Variants in RBM45 observed in about 807,000 individuals in gnomAD.
RBM45 encodes RNA binding motif protein 45.
In RBM45, 39 loss-of-function variants were observed where a neutral mutation model predicts 58.5. That is an observed-to-expected ratio of 0.67 (90% CI 0.52 to 0.87). The LOEUF (loss-of-function observed/expected upper bound fraction) is 0.87. Ranked by LOEUF, RBM45 falls within the 40% of genes least tolerant of loss-of-function variation. The pLI is 0.00. For synonymous variants in RBM45, 193 were observed against 203.0 expected, an observed-to-expected ratio of 0.95 and a Z score of 0.42; for missense variants, 481 against 581.6, an observed-to-expected ratio of 0.83 and a Z score of 1.78.
At chr2:178,114,877 C>T (rs538667602) in intron 1 of RBM45, among the ~76,000 whole-genome samples, 1 of 152,304 alleles carries the variant, frequency 6.6e-6, no homozygotes, top group South Asian at 2.1e-4. Context: ...TGAGCCACCA[C>T]ACCCTAACAG....
At chr2:178,119,484 AT>A (rs1318076409) in intron 3 of RBM45, among the ~76,000 whole-genome samples, 7 of 152,224 alleles carry the variant, frequency 4.6e-5, no homozygotes, top group African/African-American at 1.7e-4. Flanking sequence ...AACTAGGTAC[AT>A]TGGAACATGG....
At chr2:178,120,166 A>G (rs2087829540) in intron 3 of RBM45, 121 bp from the exon 4 acceptor site, 3 of 1,250,204 alleles carry the variant, frequency 2.4e-6, no homozygotes, top group Non-Finnish European at 3.4e-6. Context: ...GGAGATGGCC[A>G]TTGTATAGAT....
At chr2:178,112,870 C>T in intron 1 of RBM45, 24 bp downstream of exon 1, 3 of 1,595,092 alleles carry the variant, frequency 1.9e-6, no homozygotes, top group South Asian at 1.1e-5. Context: ...GGTCGGGGTG[C>T]CCTCGGGGGA....
chr2:178,133,293 A>G (rs2088019936), downstream of RBM45, among the ~76,000 whole-genome samples: 1 of 152,206 alleles, frequency 6.6e-6, no homozygotes, highest in Non-Finnish European at 1.5e-5. Flanking sequence ...GTAATTGTTT[A>G]TGCCATTCAA....
chr2:178,120,222 A>T, intron 3 of RBM45, 65 bp from the exon 4 acceptor site: 2 of 1,598,534 alleles, frequency 1.3e-6, no homozygotes, highest in East Asian at 4.5e-5. Context: ...AGGCACTAGC[A>T]ATCAAGTATA....
chr2:178,137,951 T>C (rs1032562872), exon 4 of RBM45: 1 of 152,104 alleles, frequency 6.6e-6, no homozygotes, highest in African/African-American at 2.4e-5. Context: ...TTAGAAAATA[T>C]CTGCTTTTGC....
intron 5 of RBM45, among the ~76,000 whole-genome samples, chr2:178,123,095 C>T (rs963170357): frequency 6.6e-6 from 1 of 152,098 alleles, no homozygotes; most frequent in African/African-American, 2.4e-5. Context: ...TGCAGATAGC[C>T]GGGATGAGTA....
In RBM45 at chr2:178,123,591, A is replaced by G. The variant is rs1411798014; in HGVS notation, c.923A>G (p.Gln308Arg). The G allele has an allele frequency of 9.9e-6, 16 of 1,609,874 alleles. No homozygotes were observed. Among genetic ancestry groups the G allele is most frequent in the Non-Finnish European group, 1.4e-5 (16 of 1,178,692 alleles). The stretch of plus-strand genomic sequence containing the variant: ...GCAAAATACAAATTACATGGATTTC[A>G]GTACCCTCCTGGGAACCGAATAGGT... ...IYAKYKLHGF[Q>R]YPPGNRIGVS... The change falls in exon 6 of 10, where the codon CAG (glutamine) becomes CGG (arginine). Residue 308 changes from glutamine (Q) to arginine (R), a missense_variant. Coordinates refer to ENST00000286070, the MANE Select transcript of RBM45 (RefSeq NM_152945.4).
In RBM45 at chr2:178,121,396, GTA is replaced by G. The variant is rs200695432; in HGVS notation, c.853+44_853+45del. The G allele has an allele frequency of 8.2e-4, 309 of 377,280 alleles. 3 individuals are homozygous for G. Among genetic ancestry groups the G allele is most frequent in the East Asian group, 7.0e-3 (132 of 18,868 alleles). 23.4% of individuals were successfully genotyped at this position (377,280 alleles called of 1,614,324 possible). A position where few individuals can be genotyped will look rare whatever the true frequency, so the allele number is the denominator to read the frequency against. On this transcript the variant is annotated intron_variant, in intron 5 of 9. Coordinates refer to ENST00000286070, the MANE Select transcript of RBM45 (RefSeq NM_152945.4). The stretch of plus-strand genomic sequence containing the variant: ...TTCACATTAAAAAATATATATATAT[GTA>G]TATATACACACACACACACACACAC...
chr2:178,132,152 A>T (rs2088010960), downstream of RBM45, among the ~76,000 whole-genome samples: 1 of 152,228 alleles, frequency 6.6e-6, no homozygotes, highest in Non-Finnish European at 1.5e-5. Flanking sequence ...AGCCTGATTA[A>T]AGCCTTCTTG....
intron 9 of RBM45, among the ~76,000 whole-genome samples, chr2:178,126,530 A>AT (rs1311256811): frequency 6.6e-6 from 1 of 152,186 alleles, no homozygotes; most frequent in Admixed American, 6.5e-5. Context: ...ACTTCTAAAG[A>AT]TTTTTAACTT....
chr2:178,114,559 T>C (rs2087747426), intron 1 of RBM45, among the ~76,000 whole-genome samples: 1 of 152,204 alleles, frequency 6.6e-6, no homozygotes, highest in African/African-American at 2.4e-5. Context: ...GTTGTTTCAC[T>C]GTAGTACCTA....
rs770463823 is a variant in RBM45, at chr2:178,121,284, C to T, written c.778C>T (p.Gln260Ter). The change falls in exon 5 of 10, where the codon CAG becomes TAG. Residue 260 changes from glutamine to a stop codon, truncating the protein, a stop_gained. Transcript: ENST00000286070. LOFTEE classifies it high-confidence loss of function. Reference protein sequence around the residue: ...VVSRVPFTEEQLFSIFDIVPG... With the variant: ...VVSRVPFTEE ...ATCAAGAGTTCCTTTCACTGAAGAA[C>T]AGCTTTTCAGCATTTTTGATATAGT... is the stretch of plus-strand genomic sequence containing the variant. 1.2e-6 allele frequency: 2 copies of T among 1,605,684 alleles called. No individual in the cohort carries two copies. Among genetic ancestry groups the T allele is most frequent in the Admixed American group, 3.4e-5 (2 of 58,968 alleles).
In RBM45 at chr2:178,112,722, A is replaced by G. The variant is rs1263787057; in HGVS notation, c.176A>G (p.Asp59Gly). Residue 59 changes from aspartate to glycine, a missense_variant, in exon 1 of 10, where the codon GAC (aspartate) becomes GGC (glycine). By Grantham distance (94) the Asp-to-Gly change is moderately conservative. Coordinates refer to ENST00000286070, the MANE Select transcript of RBM45 (RefSeq NM_152945.4). ...GDIQDIWVVRDKHTKESKGIA... is the reference protein window; with the variant it reads ...GDIQDIWVVRGKHTKESKGIA... ...ATCCAGGACATCTGGGTGGTGCGGGACAAGCACACCAAGGAGTCCAAGGGC... is the reference window on the plus strand; with the variant it reads ...ATCCAGGACATCTGGGTGGTGCGGGGCAAGCACACCAAGGAGTCCAAGGGC... 1 of 1,614,182 alleles carries G rather than the reference A, an allele frequency of 6.2e-7. No homozygotes were observed. Among genetic ancestry groups the G allele is most frequent in the Non-Finnish European group, 8.5e-7 (1 of 1,180,040 alleles).
intron 9 of RBM45, among the ~76,000 whole-genome samples, chr2:178,128,326 T>C (rs1393194663): frequency 6.6e-6 from 1 of 152,082 alleles, no homozygotes; most frequent in Non-Finnish European, 1.5e-5. Flanking sequence ...GGCCCAGTTT[T>C]CTCATAGGGC....
intron 9 of RBM45, among the ~76,000 whole-genome samples, chr2:178,127,024 C>T (rs1233708149): frequency 6.6e-6 from 1 of 152,094 alleles, no homozygotes; most frequent in African/African-American, 2.4e-5. Flanking sequence ...GCAACCTCCA[C>T]CTCCTGGATA....
intron 5 of RBM45, among the ~76,000 whole-genome samples, chr2:178,121,678 C>G (rs781112538): frequency 3.9e-5 from 6 of 152,234 alleles, no homozygotes; most frequent in Admixed American, 6.5e-5. Flanking sequence ...AAAAATACCT[C>G]TGGATAGAGC....
At position 178,120,416 on chromosome 2, in the gene RBM45, A is replaced by G. The variant is rs186726392; in HGVS notation, c.673+7A>G. ...GTAAATATGTTTCCATTTGGTAAGT[A>G]GGCAACCTTTACTTTTAATAGTATA... On this transcript the variant is annotated splice_region_variant and intron_variant, in intron 4 of 9. Coordinates refer to ENST00000286070, the MANE Select transcript of RBM45 (RefSeq NM_152945.4). 151 of 1,606,104 alleles carry G rather than the reference A, an allele frequency of 9.4e-5. No individual in the cohort carries two copies. Among genetic ancestry groups the G allele is most frequent in the Non-Finnish European group, 8.6e-5 (101 of 1,177,760 alleles).
rs1491144994 is a variant in RBM45 at position 178,127,995 on chromosome 2, T to TTC, written c.*9-1401_*9-1400insCT. Among the ~76,000 whole-genome samples the TTC allele has an allele frequency of 5.7e-4, 15 of 26,342 alleles. No homozygotes were observed. In the Admixed American group the frequency reaches 7.2e-3, roughly 13 times the overall value. 17.3% of individuals were successfully genotyped at this position (26,342 alleles called of 152,430 possible). On this transcript the variant is annotated intron_variant, in intron 9 of 9. Coordinates refer to ENST00000286070, the MANE Select transcript of RBM45 (RefSeq NM_152945.4). ...TGTGACTGGGCTGGTCTCTACGCCC[T>TTC]TTTTTTTTTTTTTTTTTTTTTTTTT...
Sources: allele counts gnomAD v4.1 joint callset (sites outside exome capture counted in the v4.1 genomes callset), GRCh38; gene constraint gnomAD v4.1.1; transcripts MANE v1.5; gene names NCBI Gene and HGNC (gene_info 2026-07-23, HGNC 2026-07-21).